The following KPNA7 variants were observed in gnomAD, a reference collection of about 807,000 sequenced individuals.
The protein encoded by KPNA7 is importin subunit alpha-8.
A neutral mutation model predicts 53.7 loss-of-function variants in KPNA7; 54 were observed. The ratio of observed to expected loss-of-function variants is 1.01; its 90% CI spans 0.81 to 1.26. The LOEUF (loss-of-function observed/expected upper bound fraction) is 1.26. Among genes scored for constraint, KPNA7 ranks in the 50% most tolerant of loss-of-function variants. The pLI is 0.00. For missense variants in KPNA7, 640 were observed against 644.5 expected (o/e 0.99, Z 0.07); for synonymous variants, 276 against 259.3 (o/e 1.06, Z -0.62).
intron 1 of KPNA7, among the ~76,000 whole-genome samples, chr7:99,213,669 G>T (rs1791133426): frequency 6.6e-6 from 1 of 151,970 alleles, no homozygotes; most frequent in Non-Finnish European, 1.5e-5. Flanking sequence ...GGGGTGCAGT[G>T]ATACAATCAT....
At chr7:99,206,278 A>C (rs1790811604) in intron 2 of KPNA7, among the ~76,000 whole-genome samples, 1 of 152,020 alleles carries the variant, frequency 6.6e-6, no homozygotes, top group African/African-American at 2.4e-5. Context: ...CTCCTGCTTC[A>C]GCCTCCCAAG....
chr7:99,152,756 A>C, the KPNA7 span, among the ~76,000 whole-genome samples: 141,598 of 152,172 alleles, frequency 0.93, 66,030 homozygotes, highest in East Asian at 1. Context: ...CGGGTTGTCA[A>C]TTAGAGGTAT....
At chr7:99,169,520 C>T (rs779330786), downstream of KPNA7, among the ~76,000 whole-genome samples, 9 of 151,412 alleles carry the variant, frequency 5.9e-5, no homozygotes, top group Admixed American at 4.6e-4. Context: ...CTCAGGAGGC[C>T]GACAGGAGAA....
At chr7:99,213,824 T>G (rs28376875) in intron 1 of KPNA7, among the ~76,000 whole-genome samples, 146,727 of 152,078 alleles carry the variant, frequency 0.96, 71,004 homozygotes, top group East Asian at 1. Flanking sequence ...GCCCACGCTG[T>G]TCTTGAACTC....
the KPNA7 span, among the ~76,000 whole-genome samples, chr7:99,160,191 AT>A: frequency 0.042 from 6,361 of 151,042 alleles, 453 homozygotes; most frequent in African/African-American, 0.15. Flanking sequence ...TGCTAGGCTA[AT>A]TTTTTTTGTA....
downstream of KPNA7, among the ~76,000 whole-genome samples, chr7:99,170,209 A>G (rs1351289057): frequency 6.6e-6 from 1 of 152,202 alleles, no homozygotes; most frequent in African/African-American, 2.4e-5. Context: ...AGCCTTTGCC[A>G]TAGGCACACC....
At chr7:99,150,853 C>T in the KPNA7 span, among the ~76,000 whole-genome samples, 1 of 152,148 alleles carries the variant, frequency 6.6e-6, no homozygotes, top group African/African-American at 2.4e-5. Context: ...CAAATCATTG[C>T]CCTATGCATC....
the KPNA7 span, among the ~76,000 whole-genome samples, chr7:99,164,492 G>A: frequency 6.6e-6 from 1 of 152,026 alleles, no homozygotes; most frequent in African/African-American, 2.4e-5. Context: ...CTGTTGTGGG[G>A]TAGGGGTAGG....
the KPNA7 span, among the ~76,000 whole-genome samples, chr7:99,158,867 CTTT>C: frequency 1.3e-5 from 2 of 149,092 alleles, no homozygotes; most frequent in African/African-American, 4.9e-5. Flanking sequence ...TAAACAGCAT[CTTT>C]TTTTTTTCTT....
the KPNA7 span, among the ~76,000 whole-genome samples, chr7:99,147,948 G>A: frequency 1.3e-5 from 2 of 151,418 alleles, no homozygotes; most frequent in Admixed American, 6.6e-5. Context: ...GCCCAGTAGC[G>A]CAAGGCTGCA....
At chr7:99,168,399 A>G in the KPNA7 span, among the ~76,000 whole-genome samples, 1 of 152,292 alleles carries the variant, frequency 6.6e-6, no homozygotes, top group South Asian at 2.1e-4. Context: ...CCAACAGAGC[A>G]AAACCCCCCT....
chr7:99,195,820 T>G (rs138564673), intron 4 of KPNA7, among the ~76,000 whole-genome samples: 1 of 152,344 alleles, frequency 6.6e-6, no homozygotes, highest in Non-Finnish European at 1.5e-5. Context: ...TTTTCCCCTT[T>G]AAGGTGTTAT....
intron 9 of KPNA7, 46 bp from the exon 10 acceptor site, chr7:99,178,112 TG>T (rs1563065624): frequency 6.5e-7 from 1 of 1,534,014 alleles, no homozygotes; most frequent in Non-Finnish European, 8.8e-7. Context: ...CAGGAGCCTT[TG>T]GGGGATAGGG....
chr7:99,184,351 AAG>A (rs935903683), intron 8 of KPNA7, among the ~76,000 whole-genome samples: 7 of 151,804 alleles, frequency 4.6e-5, no homozygotes, highest in African/African-American at 1.7e-4. Context: ...TTTGTAGAGA[AAG>A]AGTTTCGCCA....
the KPNA7 span, among the ~76,000 whole-genome samples, chr7:99,153,454 G>A: frequency 2.0e-5 from 3 of 151,790 alleles, no homozygotes; most frequent in Non-Finnish European, 2.9e-5. Context: ...GGAGGCTGAG[G>A]CAGGAGAATC....
intron 6 of KPNA7, among the ~76,000 whole-genome samples, chr7:99,190,482 A>G (rs1449337014): frequency 4.6e-5 from 7 of 152,096 alleles, no homozygotes; most frequent in Admixed American, 4.6e-4. Context: ...AGAACCTTAG[A>G]GCCCACAGGA....
the KPNA7 span, among the ~76,000 whole-genome samples, chr7:99,148,016 CT>C: frequency 7.2e-6 from 1 of 139,738 alleles, no homozygotes; most frequent in African/African-American, 2.8e-5. Context: ...GACCCCATGT[CT>C]TTAAAAAAAA....
At chr7:99,213,897 C>T (rs1235767070) in intron 1 of KPNA7, among the ~76,000 whole-genome samples, 1 of 152,174 alleles carries the variant, frequency 6.6e-6, no homozygotes, top group Non-Finnish European at 1.5e-5. Context: ...ACATGAGCCA[C>T]TGCACCTGGC....
intron 5 of KPNA7, 144 bp downstream of exon 5, chr7:99,194,926 C>G (rs7793425): frequency 0.08 from 82,677 of 1,034,542 alleles, 3,637 homozygotes; most frequent in South Asian, 0.13. Flanking sequence ...TTGGAAACAG[C>G]TCATTGTACC....
Sources: gnomAD v4.1 joint callset for allele counts (sites outside exome capture counted in the v4.1 genomes callset) on GRCh38, gnomAD v4.1.1 for gene constraint, MANE v1.5 for transcripts, NCBI Gene and HGNC (gene_info 2026-07-23, HGNC 2026-07-21) for gene names.